Variants in CUTC observed in about 807,000 individuals in gnomAD.
The protein encoded by CUTC is cutC copper transporter, also known as copper homeostasis protein cutC homolog.
A neutral mutation model predicts 36.2 loss-of-function variants in CUTC; 27 were observed. That is an observed-to-expected ratio of 0.75 (90% CI 0.55 to 1.03). CUTC has a LOEUF of 1.03. CUTC is among the 50% of genes least tolerant of loss of function. The pLI, the probability that CUTC is intolerant of heterozygous loss-of-function variation, is 0.00. For synonymous variants in CUTC, 114 were observed against 118.3 expected (o/e 0.96, Z 0.24); for missense variants, 315 against 343.5 (o/e 0.92, Z 0.66).
chr10:99,732,401 G>C lies in CUTC; in HGVS notation c.53G>C (p.Gly18Ala). Reference protein sequence around the residue: ...SERKRARIPSGKAGAANGFLM... With the variant: ...SERKRARIPSAKAGAANGFLM... ...CGAAAACGAGCGCGGATACCGTCCG[G>C]GAAGGCCGGTGCGGAAGGTGGCGGG... The change falls in exon 1 of 9, where the codon GGG becomes GCG. Residue 18 changes from glycine (G) to alanine (A), a missense_variant. Transcript: ENST00000370476. 1 of 1,551,902 alleles carries C rather than the reference G, an allele frequency of 6.4e-7. No homozygotes were observed. The highest frequency in any genetic ancestry group is 1.2e-5 in the South Asian group (1 of 84,076).
intron 1 of CUTC, among the ~76,000 whole-genome samples, chr10:99,734,931 C>T (rs1378567555): frequency 1.3e-5 from 2 of 151,680 alleles, no homozygotes; most frequent in African/African-American, 4.8e-5. Context: ...GGCGAAACCC[C>T]ATCTCTACAA....
At chr10:99,743,455 G>A (rs181043269) in intron 4 of CUTC, 93 bp downstream of exon 4, 347 of 1,164,696 alleles carry the variant, frequency 3.0e-4, no homozygotes, top group Middle Eastern at 1.5e-3. Flanking sequence ...CTGACTTTGC[G>A]GTCATAGCTA....
chr10:99,743,211 A>G lies in CUTC; in HGVS notation c.252A>G (p.Pro84=), dbSNP rs3740076. 0.096 allele frequency: 154,283 copies of G among 1,613,956 alleles called. 8,031 individuals are homozygous for G. Among genetic ancestry groups the G allele is most frequent in the Admixed American group, 0.15 (9,029 of 60,000 alleles). The change falls in exon 4 of 9, where the codon CCA becomes CCG. Residue 84 remains proline (P), a synonymous_variant. Transcript: ENST00000370476. ...VQIPVFVMIR[P]RGGDFLYSDR... ...TCCCAGTTTTTGTGATGATTCGGCCACGGGGAGGTGATTTTTTGTATTCAG... is the reference window on the plus strand; with the variant it reads ...TCCCAGTTTTTGTGATGATTCGGCCGCGGGGAGGTGATTTTTTGTATTCAG...
rs1311622419 is a variant in CUTC, at chr10:99,732,298, C to G, written c.-51C>G. On this transcript the variant is annotated 5_prime_UTR_variant, in exon 1 of 9. Coordinates refer to ENST00000370476, the MANE Select transcript of CUTC (RefSeq NM_015960.3). Reference sequence around the variant, plus strand: ...GCTTCTTAGCTGGTGCGCGCCGGAGCCCAAATTCCAAGTGGAAACTGCAGG... The same window carrying G: ...GCTTCTTAGCTGGTGCGCGCCGGAGGCCAAATTCCAAGTGGAAACTGCAGG... The G allele has an allele frequency of 7.7e-6, 12 of 1,548,904 alleles. No individual in the cohort carries two copies. Among genetic ancestry groups the G allele is most frequent in the Admixed American group, 2.0e-5 (1 of 50,760 alleles).
At chr10:99,740,334 A>G (rs942095641) in intron 3 of CUTC, among the ~76,000 whole-genome samples, 3 of 152,140 alleles carry the variant, frequency 2.0e-5, no homozygotes, top group Non-Finnish European at 2.9e-5. Flanking sequence ...GTTAAAAAGT[A>G]TGCTAGTGAT....
intron 2 of CUTC, among the ~76,000 whole-genome samples, chr10:99,738,290 A>G (rs1044194577): frequency 4.6e-5 from 7 of 152,198 alleles, no homozygotes; most frequent in African/African-American, 1.7e-4. Context: ...CCTTTTAAAG[A>G]ACAAAACACC....
chr10:99,736,348 G>C (rs774303532), intron 2 of CUTC, 31 bp downstream of exon 2: 1 of 1,533,086 alleles, frequency 6.5e-7, no homozygotes. Flanking sequence ...AATGACCGTT[G>C]GCTACCCTTT....
chr10:99,743,902 TTTA>T (rs2037358904), intron 4 of CUTC, 132 bp from the exon 5 acceptor site: 2 of 599,942 alleles, frequency 3.3e-6, no homozygotes, highest in Non-Finnish European at 5.6e-6. Context: ...AGGCTGCCAT[TTTA>T]TTATTATGTC....
chr10:99,736,366 C>A, intron 2 of CUTC, 49 bp downstream of exon 2: 1 of 1,382,966 alleles, frequency 7.2e-7, no homozygotes, highest in South Asian at 1.2e-5. Context: ...TTTTAAGAGT[C>A]TGAAAATTAA....
chr10:99,739,676 T>A (rs759756346), intron 2 of CUTC, 34 bp from the exon 3 acceptor site: 41 of 1,600,682 alleles, frequency 2.6e-5, no homozygotes, highest in East Asian at 4.5e-5. Flanking sequence ...GCTTATTTTT[T>A]AAAAATGTGT....
Position 99,744,149 on chromosome 10 carries a change from T to C in CUTC, c.439+77T>C, listed in dbSNP as rs997670633. 6.5e-5 allele frequency: 76 copies of C among 1,178,194 alleles called. 1 individual carries two copies. Among genetic ancestry groups the C allele is most frequent in the Non-Finnish European group, 8.2e-5 (66 of 800,786 alleles). 73.0% of individuals were successfully genotyped at this position (1,178,194 alleles called of 1,614,324 possible). A position where few individuals can be genotyped will look rare whatever the true frequency, so the allele number is the denominator to read the frequency against. ...TTCAACAACTGCCACCACCTTTTTA[T>C]GGAACACAATTCTGTAGTGTTCCAA... On this transcript the variant is annotated intron_variant, in intron 5 of 8. Transcript: ENST00000370476.
chr10:99,746,828 C>T (rs1269561409), intron 5 of CUTC, among the ~76,000 whole-genome samples: 1 of 152,100 alleles, frequency 6.6e-6, no homozygotes, highest in Non-Finnish European at 1.5e-5. Context: ...GGCTAGGGCA[C>T]AATGGTGCAA....
chr10:99,736,235 A>G lies in CUTC; in HGVS notation c.62-11A>G, dbSNP rs768631319. The G allele has an allele frequency of 5.0e-6, 8 of 1,611,354 alleles. No individual in the cohort carries two copies. In the African/African-American group the frequency reaches 9.4e-5, roughly 19 times the overall value. On this transcript the variant is annotated splice_polypyrimidine_tract_variant and intron_variant, in intron 1 of 8. Coordinates refer to ENST00000370476, the MANE Select transcript of CUTC (RefSeq NM_015960.3). Reference sequence around the variant, plus strand: ...CCTTTATGAACTCTTACCATTCTCCATGTATTTTAGGAGCAGCAAATGGAT... The same window carrying G: ...CCTTTATGAACTCTTACCATTCTCCGTGTATTTTAGGAGCAGCAAATGGAT...
chr10:99,752,224 G>A (rs1186048715), intron 7 of CUTC, among the ~76,000 whole-genome samples: 1 of 151,890 alleles, frequency 6.6e-6, no homozygotes, highest in African/African-American at 2.4e-5. Flanking sequence ...TTACCAAAAC[G>A]TAAAAAAATT....
At chr10:99,755,554 T>C in intron 8 of CUTC, 71 bp from the exon 9 acceptor site, 2 of 931,540 alleles carry the variant, frequency 2.1e-6, no homozygotes, top group Non-Finnish European at 3.4e-6. Flanking sequence ...AAATAGTCTA[T>C]AAAATGAAGC....
intron 1 of CUTC, among the ~76,000 whole-genome samples, chr10:99,734,171 G>A (rs2037271462): frequency 1.3e-5 from 2 of 148,844 alleles, no homozygotes; most frequent in African/African-American, 5.0e-5. Flanking sequence ...CCAGGTTCAA[G>A]CAATTCTCCT....
chr10:99,736,707 GCA>G (rs1449471101), intron 2 of CUTC, among the ~76,000 whole-genome samples: 1 of 151,988 alleles, frequency 6.6e-6, no homozygotes, highest in Non-Finnish European at 1.5e-5. Flanking sequence ...TTAATGGGAA[GCA>G]CAGACATTTC....
rs1564655751 is a variant in CUTC at position 99,739,692 on chromosome 10, A to C, written c.134-18A>C. 1.9e-6 allele frequency: 3 copies of C among 1,606,714 alleles called. No homozygotes were observed. The highest frequency in any genetic ancestry group is 2.5e-6 in the Non-Finnish European group (3 of 1,177,384). ...CTTATTTTTTAAAAATGTGTTGAGC[A>C]ATGCTTTTATATTACAGGTGCTGAT... On this transcript the variant is annotated intron_variant, in intron 2 of 8. Coordinates refer to ENST00000370476, the MANE Select transcript of CUTC (RefSeq NM_015960.3).
chr10:99,735,495 C>T (rs750937476), intron 1 of CUTC, among the ~76,000 whole-genome samples: 14 of 152,162 alleles, frequency 9.2e-5, no homozygotes, highest in Non-Finnish European at 1.8e-4. Context: ...GCAACCTCCA[C>T]CTCCTGGGTT....
Sources: allele counts gnomAD v4.1 joint callset (sites outside exome capture counted in the v4.1 genomes callset), GRCh38; gene constraint gnomAD v4.1.1; transcripts MANE v1.5; gene names NCBI Gene and HGNC (gene_info 2026-07-23, HGNC 2026-07-21).